CDKL5: variants seen among roughly 807,000 people sequenced by gnomAD.
The protein encoded by CDKL5 is cyclin-dependent kinase-like 5.
A neutral mutation model predicts 61.7 loss-of-function variants in CDKL5; 8 were observed. That is an observed-to-expected ratio of 0.13 (90% confidence interval 0.08 to 0.23). CDKL5 has a LOEUF of 0.23. Among genes scored for constraint, CDKL5 ranks in the 10% least tolerant of loss-of-function variants. The probability of loss-of-function intolerance (pLI) is 1.00; values close to 1 mark genes in which losing one functional copy is unlikely to be tolerated. For synonymous variants in CDKL5, 275 were observed against 272.3 expected, an observed-to-expected ratio of 1.01 and a Z score of -0.10; for missense variants, 440 against 734.5, an observed-to-expected ratio of 0.60 and a Z score of 4.63.
chrX:18,550,169 A>G (rs1924336438), intron 3 of CDKL5, among the ~76,000 whole-genome samples: 1 of 111,826 alleles, frequency 8.9e-6, no homozygotes, highest in South Asian at 3.7e-4. Context: ...AGACAGATCA[A>G]CTGGGGTAGA....
At position 18,628,554 on chromosome X, in the gene CDKL5, G is replaced by C. The variant is rs763110247; in HGVS notation, c.2680G>C (p.Ala894Pro). Residue 894 changes from alanine to proline, a missense_variant, in exon 18 of 18, where the codon GCA becomes CCA. Physicochemically the swap from Ala to Pro is conservative, Grantham distance 27. Coordinates refer to ENST00000623535, the MANE Select transcript of CDKL5 (RefSeq NM_001323289.2). ...GGSSNIRQEP[A>P]PKGRPALQLP... ...GAGCAGCAACATCCGGCAGGAACCC[G>C]CACCGAAGGGCAGGCCAGCCCTCCA... 1 of 1,211,467 alleles carries C rather than the reference G, an allele frequency of 8.3e-7. No individual in the cohort carries two copies. Among genetic ancestry groups the C allele is most frequent in the Non-Finnish European group, 1.1e-6 (1 of 895,321 alleles).
intron 1 of CDKL5, among the ~76,000 whole-genome samples, chrX:18,482,259 T>C (rs1302251747): frequency 8.9e-6 from 1 of 111,781 alleles, no homozygotes; most frequent in African/African-American, 3.3e-5. Context: ...TGCTTTTCTT[T>C]GGTTTAATTT....
At chrX:18,601,461 A>G (rs1436690628) in intron 11 of CDKL5, among the ~76,000 whole-genome samples, 1 of 112,995 alleles carries the variant, frequency 8.8e-6, no homozygotes, top group Non-Finnish European at 1.9e-5. Context: ...TTGGCAGTTT[A>G]ACACAGATTC....
At chrX:18,540,768 A>G (rs1923993538) in intron 3 of CDKL5, among the ~76,000 whole-genome samples, 1 of 105,211 alleles carries the variant, frequency 9.5e-6, no homozygotes, top group Admixed American at 1.0e-4. Context: ...GCTCACTGCA[A>G]CCTCTGCCTC....
chrX:18,510,899 T>A, intron 3 of CDKL5, 45 bp downstream of exon 3: 1 of 984,006 alleles, frequency 1.0e-6, no homozygotes. Context: ...TATGTTTAAC[T>A]GTTTTGAAAC....
At chrX:18,621,887 A>G (rs1926899809) in intron 16 of CDKL5, among the ~76,000 whole-genome samples, 4 of 112,084 alleles carry the variant, frequency 3.6e-5, no homozygotes, top group African/African-American at 1.3e-4. Flanking sequence ...AACTTTTATC[A>G]TTGTCTGTAG....
intron 20 of CDKL5, chrX:18,646,109 A>C (rs375809338): frequency 1.7e-6 from 2 of 1,211,500 alleles, no homozygotes. Context: ...TGGGCCCCGC[A>C]TGCCATCAAG....
intron 16 of CDKL5, among the ~76,000 whole-genome samples, chrX:18,620,455 T>TCCCAGA (rs1926858180): frequency 8.9e-6 from 1 of 111,901 alleles, no homozygotes. Flanking sequence ...ATCTGGGATT[T>TCCCAGA]TAGGGCTTGC....
chrX:18,531,986 G>T lies in CDKL5; in HGVS notation c.99+21132G>T, dbSNP rs1183676842. Among the ~76,000 whole-genome samples, 4 of 111,702 alleles carry T rather than the reference G, an allele frequency of 3.6e-5. No homozygotes were observed. The South Asian group carries it at 1.5e-3, about 42-fold the overall frequency. Reference sequence around the variant, plus strand: ...CTCCCAAAGTGCTGGGATTACAGGCGTGAGCCACCGCGCCCGGCCAGGGTT... The same window carrying T: ...CTCCCAAAGTGCTGGGATTACAGGCTTGAGCCACCGCGCCCGGCCAGGGTT... On this transcript the variant is annotated intron_variant, in intron 3 of 17. Coordinates refer to ENST00000623535, the MANE Select transcript of CDKL5 (RefSeq NM_001323289.2).
chrX:18,616,290 G>C (rs1308182523), intron 15 of CDKL5, among the ~76,000 whole-genome samples: 1 of 111,771 alleles, frequency 8.9e-6, no homozygotes, highest in African/African-American at 3.3e-5. Flanking sequence ...TGTCAATTGG[G>C]TTAAAAATTG....
rs1927156206 is a variant in CDKL5, at chrX:18,628,868, G to A, written c.*111G>A. 9.2e-7 allele frequency: 1 copy of A among 1,082,881 alleles called. No individual in the cohort carries two copies. Among genetic ancestry groups the A allele is most frequent in the African/African-American group, 1.9e-5 (1 of 52,956 alleles). 89.2% of individuals were successfully genotyped at this position (1,082,881 alleles called of 1,213,427 possible). A position where few individuals can be genotyped will look rare whatever the true frequency, so the allele number is the denominator to read the frequency against. On this transcript the variant is annotated 3_prime_UTR_variant, in exon 18 of 18. Coordinates refer to ENST00000623535, the MANE Select transcript of CDKL5 (RefSeq NM_001323289.2). ...GCCAAGTGGTGAGCCAATATTTTCAGCTTTATGAAGGTGTGTGCAATATTG... is the reference window on the plus strand; with the variant it reads ...GCCAAGTGGTGAGCCAATATTTTCAACTTTATGAAGGTGTGTGCAATATTG...
chrX:18,581,879 T>C lies in CDKL5; in HGVS notation c.404-12T>C. Reference sequence around the variant, plus strand: ...CATTTTTACTAATTTTTTTTTTATCTTGACACTCCAGATATAAAACCAGAA... The same window carrying C: ...CATTTTTACTAATTTTTTTTTTATCCTGACACTCCAGATATAAAACCAGAA... On this transcript the variant is annotated splice_polypyrimidine_tract_variant and intron_variant, in intron 6 of 17. Coordinates refer to ENST00000623535, the MANE Select transcript of CDKL5 (RefSeq NM_001323289.2). 8.6e-7 allele frequency: 1 copy of C among 1,157,859 alleles called. No homozygotes were observed. Among genetic ancestry groups the C allele is most frequent in the Non-Finnish European group, 1.2e-6 (1 of 847,575 alleles).
intron 2 of CDKL5, among the ~76,000 whole-genome samples, chrX:18,509,197 G>GCACACGCGCGCGCA (rs1555940192): frequency 6.2e-5 from 4 of 64,314 alleles, no homozygotes; most frequent in African/African-American, 2.4e-4. Context: ...CTCAAAACAC[G>GCACACGCGCGCGCA]CACACACACA....
intron 1 of CDKL5, among the ~76,000 whole-genome samples, chrX:18,478,449 C>A (rs1406878475): frequency 9.3e-6 from 1 of 107,971 alleles, no homozygotes; most frequent in East Asian, 2.9e-4. Context: ...CACCACCACA[C>A]CTGGCTAATT....
intron 5 of CDKL5, among the ~76,000 whole-genome samples, chrX:18,578,912 G>A (rs916311547): frequency 4.5e-5 from 5 of 112,159 alleles, no homozygotes; most frequent in Admixed American, 3.8e-4. Context: ...AGGTTTAATT[G>A]GATTAAAGAA....
intron 9 of CDKL5, among the ~76,000 whole-genome samples, chrX:18,593,580 T>G (rs1925896005): frequency 9.0e-6 from 1 of 111,643 alleles, no homozygotes; most frequent in Non-Finnish European, 1.9e-5. Flanking sequence ...GGCACCTAGG[T>G]TTAGAAAGAG....
At chrX:18,500,481 T>C (rs1922343068) in intron 1 of CDKL5, among the ~76,000 whole-genome samples, 1 of 112,207 alleles carries the variant, frequency 8.9e-6, no homozygotes, top group African/African-American at 3.2e-5. Context: ...AAAATAGTTT[T>C]GGGTGGTTTG....
At chrX:18,620,056 ATTG>A in intron 16 of CDKL5, 90 bp downstream of exon 16, 1 of 574,196 alleles carries the variant, frequency 1.7e-6, no homozygotes. Context: ...ATCAAAGTTG[ATTG>A]TTTTCTTATT....
intron 11 of CDKL5, among the ~76,000 whole-genome samples, chrX:18,600,040 C>A (rs1313442920): frequency 1.8e-5 from 2 of 111,544 alleles, no homozygotes; most frequent in Non-Finnish European, 3.8e-5. Flanking sequence ...TCAAGCGATT[C>A]GCCTGCCTCA....
Sources: allele counts gnomAD v4.1 joint callset (sites outside exome capture counted in the v4.1 genomes callset), GRCh38; gene constraint gnomAD v4.1.1; transcripts MANE v1.5; gene names NCBI Gene and HGNC (gene_info 2026-07-23, HGNC 2026-07-21).